GRIP1: variants seen among roughly 807,000 people sequenced by gnomAD.
The protein encoded by GRIP1 is glutamate receptor-interacting protein 1.
In GRIP1, 45 loss-of-function variants were observed where a neutral mutation model predicts 129.9. The observed-to-expected ratio is 0.35, with a 90% CI of 0.27 to 0.44. The LOEUF (loss-of-function observed/expected upper bound fraction) is 0.44. Among genes scored for constraint, GRIP1 ranks in the 20% least tolerant of loss-of-function variants. The probability of loss-of-function intolerance (pLI) is 1.00; values close to 1 mark genes in which losing one functional copy is unlikely to be tolerated. For synonymous variants in GRIP1, 530 were observed against 520.8 expected, an observed-to-expected ratio of 1.02 and a Z score of -0.24; for missense variants, 1,196 against 1,396.8, an observed-to-expected ratio of 0.86 and a Z score of 2.29.
At chr12:66,384,580 A>G (rs1431968329) in intron 19 of GRIP1, among the ~76,000 whole-genome samples, 1 of 152,232 alleles carries the variant, frequency 6.6e-6, no homozygotes, top group African/African-American at 2.4e-5. Flanking sequence ...ATAACCATCA[A>G]AAGAGGGTTT....
intron 1 of GRIP1, among the ~76,000 whole-genome samples, chr12:66,634,608 A>T (rs2031172611): frequency 6.6e-6 from 1 of 152,262 alleles, no homozygotes; most frequent in African/African-American, 2.4e-5. Flanking sequence ...TAAATTGATC[A>T]TATATTCTTC....
chr12:66,414,935 A>AAAAT (rs2057537421), intron 15 of GRIP1, among the ~76,000 whole-genome samples: 1 of 52,440 alleles, frequency 1.9e-5, no homozygotes, highest in South Asian at 6.9e-4. Context: ...CACCTTATAT[A>AAAAT]AAATAAAATA....
At chr12:66,850,350 C>G (rs1353290645) in intron 1 of GRIP1, among the ~76,000 whole-genome samples, 1 of 152,072 alleles carries the variant, frequency 6.6e-6, no homozygotes, top group African/African-American at 2.4e-5. Flanking sequence ...ACATCATTTT[C>G]AAGATGTTGG....
At chr12:66,945,477 A>G (rs755138254) in intron 1 of GRIP1, among the ~76,000 whole-genome samples, 6 of 152,032 alleles carry the variant, frequency 3.9e-5, no homozygotes, top group Non-Finnish European at 8.8e-5. Context: ...CCACCTGCGC[A>G]GCTTCTGGGG....
At chr12:66,467,213 A>G (rs981498987) in intron 7 of GRIP1, among the ~76,000 whole-genome samples, 3 of 152,202 alleles carry the variant, frequency 2.0e-5, no homozygotes, top group Non-Finnish European at 2.9e-5. Flanking sequence ...GGTCTTAATT[A>G]TTAAGGAGAG....
At chr12:67,019,982 C>T (rs2042841707) in intron 1 of GRIP1, among the ~76,000 whole-genome samples, 1 of 152,178 alleles carries the variant, frequency 6.6e-6, no homozygotes, top group African/African-American at 2.4e-5. Context: ...CAGTTAAAGA[C>T]TTCCTTTAGT....
chr12:66,394,577 T>C (rs1279528140), intron 16 of GRIP1, among the ~76,000 whole-genome samples: 3 of 152,250 alleles, frequency 2.0e-5, no homozygotes, highest in Admixed American at 2.0e-4. Flanking sequence ...TAATGACTTA[T>C]GTTTTAAATG....
At chr12:66,657,320 A>G (rs1592709705) in intron 1 of GRIP1, among the ~76,000 whole-genome samples, 1 of 152,060 alleles carries the variant, frequency 6.6e-6, no homozygotes, top group South Asian at 2.1e-4. Flanking sequence ...CCGCCACACC[A>G]CTGCCCAGGT....
intron 1 of GRIP1, among the ~76,000 whole-genome samples, chr12:66,716,694 C>T (rs2136426203): frequency 6.6e-6 from 1 of 152,200 alleles, no homozygotes; most frequent in South Asian, 2.1e-4. Context: ...ATCCCCCTCC[C>T]ACTCACCATG....
intron 1 of GRIP1, among the ~76,000 whole-genome samples, chr12:66,975,348 A>G (rs935015739): frequency 6.6e-6 from 1 of 152,242 alleles, no homozygotes; most frequent in East Asian, 1.9e-4. Context: ...TTCAGTTTCC[A>G]TCAGTGGCTA....
chr12:67,002,974 T>C (rs1171548484), intron 1 of GRIP1, among the ~76,000 whole-genome samples: 1 of 152,174 alleles, frequency 6.6e-6, no homozygotes, highest in Non-Finnish European at 1.5e-5. Context: ...ATGCCTCCTG[T>C]TTCCCCTGGC....
chr12:66,596,742 T>TTTATTA (rs910067759), intron 2 of GRIP1, 105 bp downstream of exon 2: 1 of 546,428 alleles, frequency 1.8e-6, no homozygotes, highest in Non-Finnish European at 3.5e-6. Context: ...AATAACATGA[T>TTTATTA]TTATTATTAT....
At chr12:66,952,904 C>A (rs1178991679) in intron 1 of GRIP1, among the ~76,000 whole-genome samples, 3 of 152,084 alleles carry the variant, frequency 2.0e-5, no homozygotes, top group Non-Finnish European at 4.4e-5. Flanking sequence ...TGCACACTTG[C>A]AAAATTATTC....
intron 1 of GRIP1, among the ~76,000 whole-genome samples, chr12:66,635,105 C>T (rs2031226282): frequency 6.6e-6 from 1 of 152,024 alleles, no homozygotes. Flanking sequence ...CAAATTTAAC[C>T]TTAAACATTC....
At chr12:66,373,176 G>C (rs2055610163) in intron 22 of GRIP1, among the ~76,000 whole-genome samples, 1 of 152,102 alleles carries the variant, frequency 6.6e-6, no homozygotes, top group South Asian at 2.1e-4. Flanking sequence ...TGCAACCTCT[G>C]CCTTCTTTGT....
intron 23 of GRIP1, among the ~76,000 whole-genome samples, chr12:66,354,083 A>G (rs4762091): frequency 0.5 from 76,557 of 151,994 alleles, 19,842 homozygotes; most frequent in East Asian, 0.58. Flanking sequence ...GCACCATCAC[A>G]GAACACTATG....
At chr12:66,851,498 T>C (rs4913506) in intron 1 of GRIP1, among the ~76,000 whole-genome samples, 43,676 of 151,988 alleles carry the variant, frequency 0.29, 7,074 homozygotes, top group East Asian at 0.41. Context: ...CAAATCTTCA[T>C]CGTGCAGGTT....
Position 66,353,479 on chromosome 12 carries a change from T to C in GRIP1, c.3097A>G (p.Asn1033Asp). Reference protein sequence around the residue: ...GLLEKGVYVKNIRPAGPGDLG... With the variant: ...GLLEKGVYVKDIRPAGPGDLG... ...TCTCCTGGCCCAGCTGGGCGAATAT[T>C]TTTGACATACACTCCTTTCTCCAGT... The change falls in exon 24 of 25, where the codon AAT becomes GAT. Residue 1033 changes from asparagine to aspartate, a missense_variant. Physicochemically the swap from Asn to Asp is conservative, Grantham distance 23. Around this residue, in one of 5 missense-constraint regions of GRIP1, gnomAD observed 427 missense variants for 463.3 expected, o/e 0.92. Transcript: ENST00000359742. The C allele has an allele frequency of 6.2e-7, 1 of 1,613,106 alleles. No homozygotes were observed.
intron 1 of GRIP1, among the ~76,000 whole-genome samples, chr12:66,906,115 T>C (rs1471245405): frequency 6.6e-6 from 1 of 152,170 alleles, no homozygotes; most frequent in African/African-American, 2.4e-5. Flanking sequence ...ACTTGTATCA[T>C]TTAAAATCAA....
Sources: allele counts gnomAD v4.1 joint callset (sites outside exome capture counted in the v4.1 genomes callset), GRCh38; gene constraint gnomAD v4.1.1; regional missense constraint gnomAD v4.1.1; transcripts MANE v1.5; gene names NCBI Gene and HGNC (gene_info 2026-07-23, HGNC 2026-07-21).